CTNNA2: variants seen among roughly 807,000 people sequenced by gnomAD.
CTNNA2 encodes catenin alpha 2, also known as catenin alpha-2.
A neutral mutation model predicts 101.0 loss-of-function variants in CTNNA2; 42 were observed. That is an observed-to-expected ratio of 0.42 (90% CI 0.32 to 0.54). CTNNA2 has a LOEUF of 0.54. Among genes scored for constraint, CTNNA2 ranks in the 20% least tolerant of loss-of-function variants. The pLI is 0.14. For missense variants in CTNNA2, 871 were observed against 1,223.1 expected, an observed-to-expected ratio of 0.71 and a Z score of 4.29; for synonymous variants, 450 against 456.4, an observed-to-expected ratio of 0.99 and a Z score of 0.18.
At chr2:80,138,962 G>A (rs1702846383) in intron 7 of CTNNA2, among the ~76,000 whole-genome samples, 1 of 152,074 alleles carries the variant, frequency 6.6e-6, no homozygotes, top group African/African-American at 2.4e-5. Flanking sequence ...CAATTTCCAT[G>A]TTGACTATAT....
chr2:79,895,319 T>C (rs1304588227), intron 6 of CTNNA2, among the ~76,000 whole-genome samples: 1 of 152,230 alleles, frequency 6.6e-6, no homozygotes, highest in Non-Finnish European at 1.5e-5. Flanking sequence ...AGAAGATAGA[T>C]GAGTTTATGC....
At chr2:80,089,431 TGCGCTCCCTTTTGCATTTTGG>T (rs1372920978) in intron 7 of CTNNA2, among the ~76,000 whole-genome samples, 1 of 151,970 alleles carries the variant, frequency 6.6e-6, no homozygotes, top group African/African-American at 2.4e-5. Context: ...CCTTACAACC[TGCGCTCCCTTTTGCATTTTGG>T]GGGTTCTCTG....
intron 1 of CTNNA2, among the ~76,000 whole-genome samples, chr2:79,526,454 CT>C (rs34508983): frequency 0.22 from 31,705 of 147,370 alleles, 3,603 homozygotes; most frequent in African/African-American, 0.3. Flanking sequence ...TCCTAGCTTC[CT>C]TTTTTTTTTG....
intron 2 of CTNNA2, among the ~76,000 whole-genome samples, chr2:79,289,013 T>G (rs12623011): frequency 0.72 from 110,256 of 152,160 alleles, 40,123 homozygotes; most frequent in East Asian, 0.82. Context: ...CAAGATACAA[T>G]TTGATTGCTT....
intron 9 of CTNNA2, among the ~76,000 whole-genome samples, chr2:80,449,291 A>T (rs1330439561): frequency 1.9e-5 from 1 of 51,292 alleles, no homozygotes; most frequent in Non-Finnish European, 3.1e-5. Flanking sequence ...CTAAAATTAA[A>T]TAAATAAATA....
intron 7 of CTNNA2, among the ~76,000 whole-genome samples, chr2:79,921,534 T>G (rs1352382288): frequency 2.0e-5 from 3 of 152,174 alleles, no homozygotes; most frequent in African/African-American, 7.2e-5. Context: ...TTTTCAAAAC[T>G]TCTAACTTTC....
intron 1 of CTNNA2, among the ~76,000 whole-genome samples, chr2:79,640,029 G>A (rs1680344390): frequency 6.6e-6 from 1 of 152,032 alleles, no homozygotes; most frequent in South Asian, 2.1e-4. Context: ...AGCATTTTGA[G>A]TAACGCCCAA....
chr2:79,605,065 GAC>G (rs1483004693), intron 1 of CTNNA2, among the ~76,000 whole-genome samples: 4 of 150,810 alleles, frequency 2.7e-5, no homozygotes, highest in Non-Finnish European at 5.9e-5. Flanking sequence ...TTTTAGAATG[GAC>G]ACAAATGTTA....
intron 7 of CTNNA2, among the ~76,000 whole-genome samples, chr2:79,991,362 T>C (rs1692165553): frequency 6.6e-6 from 1 of 152,156 alleles, no homozygotes; most frequent in Admixed American, 6.5e-5. Context: ...CCTCCCCCTT[T>C]TTTTTCCATG....
intron 1 of CTNNA2, among the ~76,000 whole-genome samples, chr2:79,629,985 A>G (rs1480330948): frequency 6.6e-6 from 1 of 152,094 alleles, no homozygotes; most frequent in Non-Finnish European, 1.5e-5. Flanking sequence ...CTTACACCCT[A>G]AGCCAATATT....
chr2:79,347,085 A>G (rs546923536), intron 3 of CTNNA2, among the ~76,000 whole-genome samples: 1 of 152,254 alleles, frequency 6.6e-6, no homozygotes, highest in African/African-American at 2.4e-5. Context: ...GTACCCCCTA[A>G]CCTAACATTT....
At chr2:79,761,370 G>T (rs1009912937) in intron 3 of CTNNA2, among the ~76,000 whole-genome samples, 1 of 152,132 alleles carries the variant, frequency 6.6e-6, no homozygotes, top group Non-Finnish European at 1.5e-5. Context: ...AGCCAATCTG[G>T]CCTTCTATTT....
chr2:79,616,882 C>T (rs1398817166), intron 1 of CTNNA2, among the ~76,000 whole-genome samples: 1 of 151,506 alleles, frequency 6.6e-6, no homozygotes, highest in Non-Finnish European at 1.5e-5. Flanking sequence ...TCTTTCTCCC[C>T]AATAATATTT....
chr2:80,416,324 T>C (rs1386036990), intron 8 of CTNNA2, among the ~76,000 whole-genome samples: 1 of 152,228 alleles, frequency 6.6e-6, no homozygotes, highest in Non-Finnish European at 1.5e-5. Context: ...CAAATCATCA[T>C]GTTATACACT....
chr2:79,801,285 T>C (rs1290516973), intron 3 of CTNNA2, among the ~76,000 whole-genome samples: 1 of 152,186 alleles, frequency 6.6e-6, no homozygotes. Flanking sequence ...AGCCAGTTTC[T>C]CTTGCTTTCT....
intron 1 of CTNNA2, among the ~76,000 whole-genome samples, chr2:79,578,976 T>C (rs1675971607): frequency 6.6e-6 from 1 of 152,174 alleles, no homozygotes; most frequent in Admixed American, 6.5e-5. Flanking sequence ...ATTCCTGTCA[T>C]ATTTGACATT....
intron 2 of CTNNA2, among the ~76,000 whole-genome samples, chr2:79,293,922 C>T (rs1332849862): frequency 6.6e-6 from 1 of 151,984 alleles, no homozygotes; most frequent in Non-Finnish European, 1.5e-5. Flanking sequence ...AGCAGGATGG[C>T]CTCATCTATA....
intron 15 of CTNNA2, among the ~76,000 whole-genome samples, chr2:80,590,924 C>T (rs1311817516): frequency 6.6e-6 from 1 of 152,110 alleles, no homozygotes; most frequent in African/African-American, 2.4e-5. Flanking sequence ...CAGCCTCAGT[C>T]ACTGTTTCTC....
intron 3 of CTNNA2, among the ~76,000 whole-genome samples, chr2:79,806,119 T>G (rs1188531125): frequency 6.6e-6 from 1 of 152,120 alleles, no homozygotes; most frequent in Admixed American, 6.6e-5. Context: ...TCCTCACTAC[T>G]ACTATAGATT....
Sources: gnomAD v4.1 joint callset for allele counts (sites outside exome capture counted in the v4.1 genomes callset) on GRCh38, gnomAD v4.1.1 for gene constraint, MANE v1.5 for transcripts, NCBI Gene and HGNC (gene_info 2026-07-23, HGNC 2026-07-21) for gene names.